Variants in DGKI observed in about 807,000 individuals in gnomAD.
DGKI encodes diacylglycerol kinase iota, also known as DAG kinase iota.
A neutral mutation model predicts 147.5 loss-of-function variants in DGKI; 55 were observed. The ratio of observed to expected loss-of-function variants is 0.37; its 90% confidence interval spans 0.30 to 0.47. The LOEUF is 0.47. DGKI is among the 20% of genes least tolerant of loss of function. The pLI, the probability that DGKI is intolerant of heterozygous loss-of-function variation, is 1.00. For missense variants in DGKI, 1,007 were observed against 1,323.8 expected, an observed-to-expected ratio of 0.76 and a Z score of 3.71; for synonymous variants, 469 against 477.1, an observed-to-expected ratio of 0.98 and a Z score of 0.22.
intron 3 of DGKI, among the ~76,000 whole-genome samples, chr7:137,664,145 G>A (rs962957545): frequency 3.3e-5 from 5 of 152,178 alleles, no homozygotes; most frequent in African/African-American, 1.2e-4. Context: ...GGGAGACCGA[G>A]GCAGGAAGAT....
chr7:137,408,592 G>A (rs1326135764), intron 29 of DGKI, among the ~76,000 whole-genome samples: 1 of 152,118 alleles, frequency 6.6e-6, no homozygotes, highest in Non-Finnish European at 1.5e-5. Flanking sequence ...CAGATATGCA[G>A]CCCAGCCTGC....
rs199835621 is a variant in DGKI, at chr7:137,395,590, C to T, written c.3057+8G>A. 14 of 1,613,156 alleles carry T rather than the reference C, an allele frequency of 8.7e-6. No individual in the cohort carries two copies. The highest frequency in any genetic ancestry group is 2.2e-5 in the South Asian group (2 of 91,060). On this transcript the variant is annotated splice_region_variant and intron_variant, in intron 32 of 32. Transcript: ENST00000614521. The stretch of plus-strand genomic sequence containing the variant: ...CGGGAGGATGTTTGCACTCACTCAT[C>T]GAGTTACCTTGGAGTCCGTCTTTCT...
At chr7:137,441,388 T>C (rs1452970491) in intron 28 of DGKI, among the ~76,000 whole-genome samples, 2 of 125,482 alleles carry the variant, frequency 1.6e-5, no homozygotes, top group Non-Finnish European at 3.1e-5. Context: ...GCCACTGCAC[T>C]CCAGCCTGGG....
At chr7:137,726,951 A>T (rs1794735146) in intron 1 of DGKI, among the ~76,000 whole-genome samples, 1 of 152,108 alleles carries the variant, frequency 6.6e-6, no homozygotes, top group Non-Finnish European at 1.5e-5. Context: ...TCTAATGTAA[A>T]CTCAGATAAA....
intron 1 of DGKI, among the ~76,000 whole-genome samples, chr7:137,741,773 C>T (rs1054840015): frequency 1.3e-5 from 2 of 152,150 alleles, no homozygotes; most frequent in Non-Finnish European, 1.5e-5. Flanking sequence ...TATGCTCACT[C>T]CAATTTCATG....
At chr7:137,634,635 G>A (rs1821247723) in intron 6 of DGKI, among the ~76,000 whole-genome samples, 1 of 152,136 alleles carries the variant, frequency 6.6e-6, no homozygotes, top group East Asian at 1.9e-4. Context: ...GCATGAGTAG[G>A]TGGCTCAGAT....
intron 20 of DGKI, chr7:137,545,928 C>G: frequency 1.4e-6 from 1 of 702,692 alleles, no homozygotes; most frequent in Non-Finnish European, 2.6e-6. Flanking sequence ...GGAGCAGACA[C>G]TCGCCGCAGG....
intron 28 of DGKI, among the ~76,000 whole-genome samples, chr7:137,428,757 G>GCA: frequency 6.6e-6 from 1 of 151,904 alleles, no homozygotes; most frequent in Admixed American, 6.6e-5. Context: ...ATACACCAAT[G>GCA]ACAGACAAAC....
Position 137,638,544 on chromosome 7 carries a change from A to G in DGKI, c.804+6928T>C, listed in dbSNP as rs112128725. Among the ~76,000 whole-genome samples, 11 of 114,912 alleles carry G rather than the reference A, an allele frequency of 9.6e-5. 1 individual carries two copies. The highest frequency in any genetic ancestry group is 1.2e-4 in the Non-Finnish European group (7 of 56,620). 75.4% of individuals were successfully genotyped at this position (114,912 alleles called of 152,430 possible). ...TATATATACACACACATATATGTAT[A>G]TATATGTGTGTATATATATACACAC... On this transcript the variant is annotated intron_variant, in intron 6 of 32. Coordinates refer to ENST00000614521, the MANE Select transcript of DGKI (RefSeq NM_001321708.2).
intron 28 of DGKI, among the ~76,000 whole-genome samples, chr7:137,413,245 G>A (rs113140050): frequency 0.032 from 4,409 of 137,360 alleles, 160 homozygotes; most frequent in East Asian, 0.1. Context: ...CTGCCCAGGC[G>A]ACAGAGTGAG....
chr7:137,644,954 T>C (rs1224661694), intron 6 of DGKI, among the ~76,000 whole-genome samples: 1 of 152,146 alleles, frequency 6.6e-6, no homozygotes, highest in Non-Finnish European at 1.5e-5. Context: ...GAGGGACCTA[T>C]AACCAGCCAT....
chr7:137,496,527 G>T (rs535149543), intron 21 of DGKI, among the ~76,000 whole-genome samples: 1 of 151,672 alleles, frequency 6.6e-6, no homozygotes, highest in African/African-American at 2.4e-5. Context: ...AAAAAAAGCT[G>T]GAGGCATCAC....
chr7:137,392,086 A>G (rs754379292), intron 32 of DGKI, among the ~76,000 whole-genome samples: 4 of 152,174 alleles, frequency 2.6e-5, no homozygotes, highest in Non-Finnish European at 5.9e-5. Flanking sequence ...ACCACAATTC[A>G]TTTACATACT....
At chr7:137,748,576 T>G (rs1029393992) in intron 1 of DGKI, among the ~76,000 whole-genome samples, 10 of 152,174 alleles carry the variant, frequency 6.6e-5, no homozygotes, top group African/African-American at 2.4e-4. Context: ...AAACAGACAA[T>G]GTATCTGCCC....
At chr7:137,526,209 A>G (rs1725095632) in intron 20 of DGKI, among the ~76,000 whole-genome samples, 1 of 152,086 alleles carries the variant, frequency 6.6e-6, no homozygotes, top group Admixed American at 6.6e-5. Flanking sequence ...CAAAGAAGAG[A>G]CAAACATCCT....
intron 27 of DGKI, among the ~76,000 whole-genome samples, chr7:137,444,909 G>A (rs1164289904): frequency 2.0e-5 from 3 of 152,156 alleles, no homozygotes; most frequent in African/African-American, 7.2e-5. Flanking sequence ...AGGAGAAAGA[G>A]AGAGACATAT....
At chr7:137,400,046 A>G (rs962533097) in intron 30 of DGKI, among the ~76,000 whole-genome samples, 65 of 152,350 alleles carry the variant, frequency 4.3e-4, no homozygotes, top group African/African-American at 1.5e-3. Context: ...ACAGCAGGTC[A>G]CACTACATCA....
At chr7:137,659,957 C>T (rs1822366703) in intron 3 of DGKI, among the ~76,000 whole-genome samples, 1 of 152,106 alleles carries the variant, frequency 6.6e-6, no homozygotes, top group Non-Finnish European at 1.5e-5. Flanking sequence ...CAGTAGGTTA[C>T]CTCTTATTCC....
chr7:137,458,674 C>A (rs1290204849), intron 27 of DGKI, among the ~76,000 whole-genome samples: 3 of 152,104 alleles, frequency 2.0e-5, no homozygotes, highest in African/African-American at 4.8e-5. Context: ...TGCCTATTTT[C>A]TTTTCTCATA....
Sources: gnomAD v4.1 joint callset for allele counts (sites outside exome capture counted in the v4.1 genomes callset) on GRCh38, gnomAD v4.1.1 for gene constraint, MANE v1.5 for transcripts, NCBI Gene and HGNC (gene_info 2026-07-23, HGNC 2026-07-21) for gene names.